The following DCC variants were observed in gnomAD, a reference collection of about 807,000 sequenced individuals.
DCC encodes the protein DCC netrin 1 receptor.
A neutral mutation model predicts 172.5 loss-of-function variants in DCC; 58 were observed. That is an observed-to-expected ratio of 0.34 (90% CI 0.27 to 0.42). DCC has a LOEUF of 0.42. Among genes scored for constraint, DCC ranks in the 10% least tolerant of loss-of-function variants. The pLI, the probability that DCC is intolerant of heterozygous loss-of-function variation, is 1.00. For missense variants in DCC, 1,740 were observed against 1,791.0 expected (o/e 0.97, Z 0.51); for synonymous variants, 709 against 644.5 (o/e 1.10, Z -1.52).
intron 1 of DCC, among the ~76,000 whole-genome samples, chr18:52,468,321 A>G (rs989425459): frequency 2.0e-5 from 3 of 152,242 alleles, no homozygotes; most frequent in Non-Finnish European, 4.4e-5. Flanking sequence ...TTGTCCATCG[A>G]AAAAGATTGA....
intron 1 of DCC, among the ~76,000 whole-genome samples, chr18:52,352,023 C>A (rs1175449878): frequency 6.6e-6 from 1 of 152,060 alleles, no homozygotes; most frequent in East Asian, 1.9e-4. Context: ...AAAAAGCATC[C>A]CAGCTATTGG....
chr18:53,232,211 T>A (rs1465308186), intron 12 of DCC, among the ~76,000 whole-genome samples: 2 of 152,128 alleles, frequency 1.3e-5, no homozygotes, highest in East Asian at 3.9e-4. Flanking sequence ...CACCAATGCT[T>A]CTCTTCTCCA....
At chr18:52,390,559 T>C (rs892236210) in intron 1 of DCC, among the ~76,000 whole-genome samples, 1 of 152,106 alleles carries the variant, frequency 6.6e-6, no homozygotes, top group Admixed American at 6.5e-5. Context: ...TCATTTGTGT[T>C]TGCTGATGAG....
intron 7 of DCC, among the ~76,000 whole-genome samples, chr18:53,153,729 C>A (rs2054681457): frequency 6.6e-6 from 1 of 151,976 alleles, no homozygotes; most frequent in Admixed American, 6.6e-5. Context: ...TCAACTAAAC[C>A]AAGAGGGAAA....
chr18:53,142,433 A>G (rs1030129649), intron 7 of DCC, among the ~76,000 whole-genome samples: 2 of 152,158 alleles, frequency 1.3e-5, no homozygotes, highest in African/African-American at 2.4e-5. Flanking sequence ...CTTTTTTTAA[A>G]TAAGTTCTTT....
At chr18:53,403,375 C>A (rs754018639) in intron 19 of DCC, among the ~76,000 whole-genome samples, 3 of 152,090 alleles carry the variant, frequency 2.0e-5, no homozygotes, top group Non-Finnish European at 4.4e-5. Context: ...TTACTTAAAT[C>A]ATAAAGTTCA....
chr18:53,382,862 A>G (rs564212070), intron 15 of DCC, among the ~76,000 whole-genome samples: 5 of 152,228 alleles, frequency 3.3e-5, no homozygotes, highest in South Asian at 4.1e-4. Flanking sequence ...TAGAGTCTCA[A>G]TATCTTTAAC....
intron 2 of DCC, among the ~76,000 whole-genome samples, chr18:52,904,012 T>G (rs1199971320): frequency 6.6e-6 from 1 of 152,208 alleles, no homozygotes; most frequent in African/African-American, 2.4e-5. Flanking sequence ...CAGACACAGA[T>G]TAGTTCTAAC....
intron 19 of DCC, among the ~76,000 whole-genome samples, chr18:53,407,528 G>GATATATATATATAT (rs74180422): frequency 0.013 from 1,531 of 117,208 alleles, 22 homozygotes; most frequent in Middle Eastern, 0.029. Context: ...TTTTATTCTG[G>GATATATATATATAT]ATATATATAT....
intron 1 of DCC, among the ~76,000 whole-genome samples, chr18:52,341,796 G>T (rs114297870): frequency 0.014 from 2,143 of 152,262 alleles, 40 homozygotes; most frequent in African/African-American, 0.048. Flanking sequence ...CTTGTTTTGC[G>T]GGACCTCACC....
intron 15 of DCC, among the ~76,000 whole-genome samples, chr18:53,361,471 T>C (rs10502970): frequency 0.24 from 36,222 of 152,028 alleles, 4,665 homozygotes; most frequent in East Asian, 0.36. Flanking sequence ...ACAACACTAT[T>C]GGAGAAAGAA....
intron 2 of DCC, among the ~76,000 whole-genome samples, chr18:52,848,032 C>T (rs2038921636): frequency 1.3e-5 from 2 of 149,708 alleles, no homozygotes; most frequent in Admixed American, 1.3e-4. Context: ...AGCTTTTATT[C>T]TGTACTTCAG....
chr18:52,653,245 ACT>A (rs1490890435), intron 1 of DCC, among the ~76,000 whole-genome samples: 1 of 152,198 alleles, frequency 6.6e-6, no homozygotes, highest in African/African-American at 2.4e-5. Flanking sequence ...GATATTTGTA[ACT>A]CTGACTCAAA....
rs2046557416 is a variant in DCC, at chr18:53,534,880, C to T, written c.*4227C>T. On this transcript the variant is annotated 3_prime_UTR_variant, in exon 29 of 29. Transcript: ENST00000442544. ...GCATAACGTTCACGTGGCAGACTTC[C>T]AGTTGCACTCTCTGAAGGACTTTTT... 6.6e-6 allele frequency: 1 copy of T among 152,194 alleles called. No homozygotes were observed. Among genetic ancestry groups the T allele is most frequent in the African/African-American group, 2.4e-5 (1 of 41,444 alleles). 9.4% of individuals were successfully genotyped at this position (152,194 alleles called of 1,614,324 possible).
intron 27 of DCC, among the ~76,000 whole-genome samples, chr18:53,512,026 AAGAC>A (rs2046262259): frequency 6.6e-6 from 1 of 152,094 alleles, no homozygotes; most frequent in Admixed American, 6.5e-5. Context: ...CACAGACAAA[AAGAC>A]AGCAGTAACC....
At chr18:52,613,537 G>A (rs938937663) in intron 1 of DCC, among the ~76,000 whole-genome samples, 1 of 152,130 alleles carries the variant, frequency 6.6e-6, no homozygotes, top group Admixed American at 6.6e-5. Flanking sequence ...TTACAGGGGT[G>A]AGCCACCACA....
At chr18:52,564,835 A>G (rs776071676) in intron 1 of DCC, among the ~76,000 whole-genome samples, 45 of 152,188 alleles carry the variant, frequency 3.0e-4, no homozygotes, top group Middle Eastern at 3.4e-3. Context: ...TGTAGTCTAG[A>G]GAGAATAAAA....
At chr18:53,132,847 A>C (rs1184935963) in intron 7 of DCC, among the ~76,000 whole-genome samples, 1 of 152,184 alleles carries the variant, frequency 6.6e-6, no homozygotes, top group Non-Finnish European at 1.5e-5. Context: ...TCTGAAAGCT[A>C]TGCCAAGAAC....
intron 1 of DCC, among the ~76,000 whole-genome samples, chr18:52,502,236 T>C (rs1164266174): frequency 1.3e-5 from 2 of 152,150 alleles, no homozygotes; most frequent in African/African-American, 4.8e-5. Flanking sequence ...AATTATAAAC[T>C]AGAAGAGGAA....
Sources: allele counts gnomAD v4.1 joint callset (sites outside exome capture counted in the v4.1 genomes callset), GRCh38; gene constraint gnomAD v4.1.1; transcripts MANE v1.5; gene names NCBI Gene and HGNC (gene_info 2026-07-23, HGNC 2026-07-21).